The following TMTC1 variants were observed in gnomAD, a reference collection of about 807,000 sequenced individuals.
The protein encoded by TMTC1 is protein O-mannosyl-transferase TMTC1.
TMTC1 carries 73 observed loss-of-function variants against 104.8 expected under a neutral mutation model. The ratio of observed to expected loss-of-function variants is 0.70; its 90% CI spans 0.58 to 0.85. TMTC1 has a LOEUF of 0.85. Ranked by LOEUF, TMTC1 falls within the 40% of genes least tolerant of loss-of-function variation. The pLI, the probability that TMTC1 is intolerant of heterozygous loss-of-function variation, is 0.00. For missense variants in TMTC1, 1,035 were observed against 1,096.1 expected (o/e 0.94, Z 0.79); for synonymous variants, 434 against 428.7 (o/e 1.01, Z -0.15).
chr12:29,591,723 T>C (rs1171835592), intron 7 of TMTC1, among the ~76,000 whole-genome samples: 4 of 152,226 alleles, frequency 2.6e-5, no homozygotes, highest in Admixed American at 6.5e-5. Flanking sequence ...GGCATTTCTC[T>C]TTCTGCTTTT....
chr12:29,684,330 C>T (rs1188174747), intron 5 of TMTC1, among the ~76,000 whole-genome samples: 1 of 152,112 alleles, frequency 6.6e-6, no homozygotes, highest in Non-Finnish European at 1.5e-5. Flanking sequence ...CTTTGAGCTC[C>T]TAACAGCTTG....
At chr12:29,624,773 A>G (rs886851138) in intron 6 of TMTC1, among the ~76,000 whole-genome samples, 1 of 152,366 alleles carries the variant, frequency 6.6e-6, no homozygotes, top group African/African-American at 2.4e-5. Flanking sequence ...AGCTCCATGC[A>G]GGTGGGACTT....
At chr12:29,547,132 T>C (rs1172391443) in intron 10 of TMTC1, among the ~76,000 whole-genome samples, 1 of 152,144 alleles carries the variant, frequency 6.6e-6, no homozygotes, top group African/African-American at 2.4e-5. Context: ...TGTTTAATTA[T>C]CCTCTGTTAG....
In TMTC1 at chr12:29,755,139, C is replaced by A. The variant is rs145879112; in HGVS notation, c.731+570G>T. 1.9e-3 allele frequency among the ~76,000 whole-genome samples: 283 copies of A among 152,106 alleles called. 4 individuals carry two copies. Among genetic ancestry groups the A allele is most frequent in the African/African-American group, 5.4e-3 (224 of 41,450 alleles). ...TAAGCCACAACATAAAATGAGTGTGCCTTAAATTTTTTAAATAAATTAGGC... is the reference window on the plus strand; with the variant it reads ...TAAGCCACAACATAAAATGAGTGTGACTTAAATTTTTTAAATAAATTAGGC... On this transcript the variant is annotated intron_variant, in intron 4 of 17. Coordinates refer to ENST00000539277, the MANE Select transcript of TMTC1 (RefSeq NM_001193451.2).
chr12:29,759,558 T>C (rs1221094918), intron 2 of TMTC1, among the ~76,000 whole-genome samples: 3 of 152,190 alleles, frequency 2.0e-5, no homozygotes, highest in Non-Finnish European at 4.4e-5. Flanking sequence ...TATGTGAGTA[T>C]ATGTGTATGT....
intron 7 of TMTC1, among the ~76,000 whole-genome samples, chr12:29,595,150 C>T (rs1302471959): frequency 1.3e-5 from 2 of 152,194 alleles, no homozygotes; most frequent in African/African-American, 2.4e-5. Flanking sequence ...ATTTCCAAGA[C>T]ATCTGCTATT....
intron 2 of TMTC1, among the ~76,000 whole-genome samples, chr12:29,766,520 A>T (rs139333473): frequency 5.3e-5 from 8 of 152,246 alleles, no homozygotes; most frequent in Middle Eastern, 6.8e-3. Flanking sequence ...GTGATGCCTT[A>T]ATTGGAGAAT....
chr12:29,673,744 C>CTTTTTTTTTTTTTTTT (rs146463669), intron 5 of TMTC1, among the ~76,000 whole-genome samples: 9 of 95,740 alleles, frequency 9.4e-5, no homozygotes, highest in Non-Finnish European at 1.1e-4. Flanking sequence ...AGAGGGACTT[C>CTTTTTTTTTTTTTTTT]TTTTTTTTTT....
rs562046103 is a variant in TMTC1 at position 29,735,953 on chromosome 12, C to G, written c.938+15713G>C. Among the ~76,000 whole-genome samples the G allele has an allele frequency of 3.9e-5, 6 of 152,272 alleles. No individual in the cohort carries two copies. The East Asian group carries it at 1.2e-3, about 29-fold the overall frequency. ...TTACTTCGGATTTGTAGAGTCTCCT[C>G]GGGTCTATTACAGACTGTAGGTTGA... On this transcript the variant is annotated intron_variant, in intron 5 of 17. Coordinates refer to ENST00000539277, the MANE Select transcript of TMTC1 (RefSeq NM_001193451.2).
intron 1 of TMTC1, among the ~76,000 whole-genome samples, chr12:29,780,266 G>C (rs961360303): frequency 6.6e-6 from 1 of 152,176 alleles, no homozygotes; most frequent in African/African-American, 2.4e-5. Context: ...ACAGGTGAAT[G>C]GTTATACAAA....
intron 5 of TMTC1, among the ~76,000 whole-genome samples, chr12:29,637,044 G>C (rs149024700): frequency 3.4e-4 from 52 of 151,538 alleles, no homozygotes; most frequent in African/African-American, 1.2e-3. Flanking sequence ...TAGAGCAATA[G>C]AGCAAGATCC....
chr12:29,716,950 G>A (rs1241183196), intron 5 of TMTC1, among the ~76,000 whole-genome samples: 3 of 152,144 alleles, frequency 2.0e-5, no homozygotes, highest in African/African-American at 7.2e-5. Context: ...GGGAGGTGGA[G>A]CTTGCAGTGA....
intron 5 of TMTC1, among the ~76,000 whole-genome samples, chr12:29,698,433 A>C (rs950734920): frequency 2.0e-5 from 3 of 152,154 alleles, no homozygotes; most frequent in African/African-American, 7.2e-5. Context: ...TATTGTCAGT[A>C]CATTCCAGGA....
chr12:29,521,566 CTTTT>C (rs3036151), intron 11 of TMTC1, among the ~76,000 whole-genome samples: 2 of 89,642 alleles, frequency 2.2e-5, no homozygotes, highest in African/African-American at 6.9e-5. Flanking sequence ...TTCTTTCTTT[CTTTT>C]TTTTTTTTTT....
chr12:29,586,953 A>G (rs1258331824), intron 7 of TMTC1, among the ~76,000 whole-genome samples: 9 of 150,290 alleles, frequency 6.0e-5, no homozygotes, highest in Admixed American at 1.3e-4. Flanking sequence ...GCCTCATAAA[A>G]TGAGTTAGGG....
intron 5 of TMTC1, among the ~76,000 whole-genome samples, chr12:29,668,523 C>T (rs1222277732): frequency 1.5e-5 from 2 of 136,888 alleles, no homozygotes; most frequent in African/African-American, 2.8e-5. Context: ...TGCAGTGGCA[C>T]GATCTCAGCT....
At chr12:29,670,570 G>A (rs1340546133) in intron 5 of TMTC1, among the ~76,000 whole-genome samples, 1 of 152,158 alleles carries the variant, frequency 6.6e-6, no homozygotes, top group Non-Finnish European at 1.5e-5. Flanking sequence ...GTCCCAGGAG[G>A]ATGCTTGAAA....
At chr12:29,664,637 GT>G (rs1940203017) in intron 5 of TMTC1, among the ~76,000 whole-genome samples, 1 of 152,182 alleles carries the variant, frequency 6.6e-6, no homozygotes, top group Admixed American at 6.5e-5. Flanking sequence ...TGATTTGAGT[GT>G]AGTAACTTAT....
intron 11 of TMTC1, 76 bp downstream of exon 11, chr12:29,536,133 A>G (rs34676186): frequency 0.011 from 10,356 of 954,892 alleles, 137 homozygotes; most frequent in Admixed American, 0.043. Flanking sequence ...TTAAATCATT[A>G]GTACAAAAAT....
Sources: gnomAD v4.1 joint callset for allele counts (sites outside exome capture counted in the v4.1 genomes callset) on GRCh38, gnomAD v4.1.1 for gene constraint, MANE v1.5 for transcripts, NCBI Gene and HGNC (gene_info 2026-07-23, HGNC 2026-07-21) for gene names.